Variants in LMBRD1 observed in about 807,000 individuals in gnomAD.
LMBRD1 encodes lysosomal cobalamin transport escort protein LMBD1.
Under a neutral mutation model 74.8 loss-of-function variants are expected in LMBRD1, and 64 were observed. The ratio of observed to expected loss-of-function variants is 0.86; its 90% CI spans 0.70 to 1.05. The LOEUF (loss-of-function observed/expected upper bound fraction) is 1.05. Ranked by LOEUF, LMBRD1 falls within the 50% of genes least tolerant of loss-of-function variation. The pLI is 0.00. For synonymous variants in LMBRD1, 204 were observed against 216.3 expected (o/e 0.94, Z 0.50); for missense variants, 652 against 645.9 (o/e 1.01, Z -0.10).
intron 9 of LMBRD1, chr6:69,706,073 G>T: frequency 1.4e-6 from 1 of 694,750 alleles, no homozygotes; most frequent in South Asian, 1.4e-5. Context: ...ACCTTAAAGT[G>T]ATAATCTTTG....
In LMBRD1 at chr6:69,725,627, A is replaced by G. The variant is rs963792630; in HGVS notation, c.637-6546T>C. On this transcript the variant is annotated intron_variant, in intron 7 of 15. Transcript: ENST00000649934. ...CTTGACAAAGGTGCCAAGAACATGC[A>G]TTGAGGAAAAGACGGCTTCTTCAAT... 5.3e-5 allele frequency among the ~76,000 whole-genome samples: 8 copies of G among 152,200 alleles called. No homozygotes were observed. The South Asian group carries it at 1.4e-3, about 28-fold the overall frequency.
chr6:69,690,829 T>A (rs894757019), intron 14 of LMBRD1, among the ~76,000 whole-genome samples: 1 of 152,108 alleles, frequency 6.6e-6, no homozygotes, highest in African/African-American at 2.4e-5. Context: ...CAGTTAAAAA[T>A]TTCTTCACTT....
At chr6:69,735,712 C>T (rs527774531) in intron 7 of LMBRD1, among the ~76,000 whole-genome samples, 4 of 152,250 alleles carry the variant, frequency 2.6e-5, no homozygotes, top group South Asian at 2.1e-4. Flanking sequence ...TTATTTAATT[C>T]GGAGCCACCA....
intron 14 of LMBRD1, among the ~76,000 whole-genome samples, chr6:69,682,492 G>A (rs1765683997): frequency 1.3e-5 from 2 of 151,886 alleles, no homozygotes. Context: ...TGCCTTTTAA[G>A]AAAGAATGCT....
At chr6:69,765,858 T>G (rs190323002) in intron 3 of LMBRD1, among the ~76,000 whole-genome samples, 2 of 152,186 alleles carry the variant, frequency 1.3e-5, no homozygotes, top group East Asian at 3.9e-4. Context: ...TGAAGTACTT[T>G]TTTCACCCTT....
intron 3 of LMBRD1, among the ~76,000 whole-genome samples, chr6:69,770,418 T>G (rs892008943): frequency 6.6e-6 from 1 of 152,230 alleles, no homozygotes; most frequent in African/African-American, 2.4e-5. Context: ...TGTCTTTCAT[T>G]GATTGCTAAA....
At position 69,674,520 on chromosome 6, in the gene LMBRD1, CAGA is replaced by C. The variant is rs941586920; in HGVS notation, c.*1635_*1637del. Among the ~76,000 whole-genome samples the C allele has an allele frequency of 5.9e-5, 9 of 152,256 alleles. No homozygotes were observed. Among genetic ancestry groups the C allele is most frequent in the African/African-American group, 1.9e-4 (8 of 41,548 alleles). On this transcript the variant is annotated 3_prime_UTR_variant, in exon 16 of 16. Transcript: ENST00000649934. ...GTGCCATTTGTCAAAAAAATGAATG[CAGA>C]AGAAGGCTTAGTTTGCCCCCACAAA...
Position 69,780,818 on chromosome 6 carries a change from A to T in LMBRD1, c.247-264T>A, listed in dbSNP as rs2502547. Among the ~76,000 whole-genome samples the T allele has an allele frequency of 2.6e-5, 4 of 152,360 alleles. No homozygotes were observed. The East Asian group carries it at 7.7e-4, about 29-fold the overall frequency. On this transcript the variant is annotated intron_variant, in intron 2 of 15. Transcript: ENST00000649934. ...GAGGAATGGCTTCTCAAAAATGACT[A>T]AACTGAGACCTGAAAGGAGGGAGAA...
At chr6:69,783,654 C>G (rs1765884665) in intron 2 of LMBRD1, among the ~76,000 whole-genome samples, 1 of 152,088 alleles carries the variant, frequency 6.6e-6, no homozygotes, top group South Asian at 2.1e-4. Flanking sequence ...GTGTGAGCCA[C>G]CATACCTGGA....
chr6:69,704,458 A>G (rs1766204545), intron 9 of LMBRD1, among the ~76,000 whole-genome samples: 1 of 152,064 alleles, frequency 6.6e-6, no homozygotes, highest in Non-Finnish European at 1.5e-5. Flanking sequence ...TGTTATTATC[A>G]TTATTTTGAT....
chr6:69,725,319 C>T (rs1016691693), intron 7 of LMBRD1, among the ~76,000 whole-genome samples: 13 of 144,650 alleles, frequency 9.0e-5, no homozygotes, highest in Middle Eastern at 3.6e-3. Flanking sequence ...CAATCCCTAT[C>T]GAAATAGCAA....
intron 8 of LMBRD1, among the ~76,000 whole-genome samples, chr6:69,715,525 T>C (rs1766469504): frequency 6.6e-6 from 1 of 152,086 alleles, no homozygotes; most frequent in South Asian, 2.1e-4. Flanking sequence ...GTTATACAGG[T>C]TAAAATGTAG....
chr6:69,792,106 T>C (rs1028852586), intron 1 of LMBRD1, among the ~76,000 whole-genome samples: 5 of 152,248 alleles, frequency 3.3e-5, no homozygotes, highest in Admixed American at 6.5e-5. Context: ...TTCATGAATA[T>C]GTCCCTTGGA....
intron 12 of LMBRD1, among the ~76,000 whole-genome samples, chr6:69,699,553 T>C (rs1335181880): frequency 1.3e-5 from 2 of 151,844 alleles, no homozygotes; most frequent in Non-Finnish European, 3.0e-5. Flanking sequence ...GACAATGTCA[T>C]GTGTTTATAA....
chr6:69,681,878 G>A (rs997070671), intron 14 of LMBRD1, among the ~76,000 whole-genome samples: 1 of 151,832 alleles, frequency 6.6e-6, no homozygotes, highest in African/African-American at 2.4e-5. Context: ...GATATGATTT[G>A]AAATTATTTA....
intron 2 of LMBRD1, among the ~76,000 whole-genome samples, chr6:69,781,526 T>C (rs1765835655): frequency 6.6e-6 from 1 of 152,154 alleles, no homozygotes; most frequent in East Asian, 1.9e-4. Flanking sequence ...TTTCTCTTTT[T>C]TTTGCCCATA....
chr6:69,749,273 C>CTT lies in LMBRD1; in HGVS notation c.473+66_473+67dup. On this transcript the variant is annotated intron_variant, in intron 5 of 15. Transcript: ENST00000649934. ...CTTTCCTAGATTTTTCTGAATGATC[C>CTT]TTTTATTTTTTTTTTCAAATAATTC... is the stretch of plus-strand genomic sequence containing the variant. 2.7e-5 allele frequency: 33 copies of CTT among 1,237,200 alleles called. 1 individual carries two copies. The highest frequency in any genetic ancestry group is 2.1e-4 in the African/African-American group (12 of 58,360). The allele number at this position is 1,237,200 out of a possible 1,614,324, so 76.6% of individuals were successfully genotyped here.
At chr6:69,776,075 T>C (rs1223212047) in intron 3 of LMBRD1, among the ~76,000 whole-genome samples, 2 of 152,238 alleles carry the variant, frequency 1.3e-5, no homozygotes, top group Non-Finnish European at 2.9e-5. Flanking sequence ...TTTCAATGTA[T>C]AATGATATGT....
chr6:69,780,305 C>T (rs532338360), intron 3 of LMBRD1, among the ~76,000 whole-genome samples, 189 bp downstream of exon 3: 8 of 152,048 alleles, frequency 5.3e-5, no homozygotes, highest in African/African-American at 1.4e-4. Flanking sequence ...TACAGGGGAG[C>T]TTATTTCTTT....
Sources: gnomAD v4.1 joint callset for allele counts (sites outside exome capture counted in the v4.1 genomes callset) on GRCh38, gnomAD v4.1.1 for gene constraint, MANE v1.5 for transcripts, NCBI Gene and HGNC (gene_info 2026-07-23, HGNC 2026-07-21) for gene names.